Variants in SIPA1L1 observed in about 807,000 individuals in gnomAD.
SIPA1L1 encodes the protein signal induced proliferation associated 1 like 1, also known as signal-induced proliferation-associated 1-like protein 1.
A neutral mutation model predicts 162.7 loss-of-function variants in SIPA1L1; 26 were observed. The ratio of observed to expected loss-of-function variants is 0.16; its 90% CI spans 0.12 to 0.22. The LOEUF (loss-of-function observed/expected upper bound fraction) is 0.22. SIPA1L1 is among the 10% of genes least tolerant of loss of function. SIPA1L1 has a pLI of 1.00. For missense variants in SIPA1L1, 1,874 were observed against 2,241.0 expected, an observed-to-expected ratio of 0.84 and a Z score of 3.31; for synonymous variants, 829 against 837.4, an observed-to-expected ratio of 0.99 and a Z score of 0.17.
At chr14:71,370,238 G>A (rs2038752385) in intron 2 of SIPA1L1, among the ~76,000 whole-genome samples, 1 of 150,618 alleles carries the variant, frequency 6.6e-6, no homozygotes, top group Admixed American at 6.6e-5. Flanking sequence ...CCTGTCTTGT[G>A]CCAGTTTTCA....
chr14:71,425,919 G>A (rs1343712122), intron 2 of SIPA1L1, among the ~76,000 whole-genome samples: 1 of 152,016 alleles, frequency 6.6e-6, no homozygotes, highest in East Asian at 1.9e-4. Flanking sequence ...TTGCTATATT[G>A]TATTTTTTGT....
chr14:71,446,894 G>GGTTTTTTTTTTTTTTTTTTTTTTTTTTT (rs2045394010), intron 2 of SIPA1L1, among the ~76,000 whole-genome samples: 1 of 87,406 alleles, frequency 1.1e-5, no homozygotes, highest in Admixed American at 1.6e-4. Context: ...GATGGGCTCT[G>GGTTTTTTTTTTTTTTTTTTTTTTTTTTT]TTTTTTTTTT....
At chr14:71,399,887 A>AT (rs1347179599) in intron 2 of SIPA1L1, among the ~76,000 whole-genome samples, 2 of 151,858 alleles carry the variant, frequency 1.3e-5, no homozygotes, top group African/African-American at 4.8e-5. Flanking sequence ...CACCTGGCTG[A>AT]TTTTTGTATT....
At chr14:71,366,108 G>A (rs2038270485) in intron 2 of SIPA1L1, among the ~76,000 whole-genome samples, 1 of 152,054 alleles carries the variant, frequency 6.6e-6, no homozygotes, top group African/African-American at 2.4e-5. Context: ...GACCAATTAA[G>A]TCTTAATCTC....
intron 2 of SIPA1L1, among the ~76,000 whole-genome samples, chr14:71,336,903 C>A (rs2035153962): frequency 6.6e-6 from 1 of 151,872 alleles, no homozygotes; most frequent in African/African-American, 2.4e-5. Context: ...ATTTTTTTAG[C>A]TTTTGCTCTT....
rs1007671004 is a variant in SIPA1L1, at chr14:71,347,151, G to A, written c.-465+25970G>A. ...TTTTTTCGTATTTTTAGTAGAGATGGGGTATCACCGCGTTGGCCAGGCTGG... is the reference window on the plus strand; with the variant it reads ...TTTTTTCGTATTTTTAGTAGAGATGAGGTATCACCGCGTTGGCCAGGCTGG... On this transcript the variant is annotated intron_variant, in intron 2 of 23. Transcript: ENST00000381232. Among the ~76,000 whole-genome samples the A allele has an allele frequency of 8.6e-5, 13 of 151,674 alleles. 1 individual carries two copies. The South Asian group carries it at 1.7e-3, about 19-fold the overall frequency.
chr14:71,695,249 TTTGGGTGGCATTCCATCAG>T (rs1248776102), intron 13 of SIPA1L1, among the ~76,000 whole-genome samples: 1 of 152,232 alleles, frequency 6.6e-6, no homozygotes, highest in Non-Finnish European at 1.5e-5. Flanking sequence ...CATAAAAACA[TTTGGGTGGCATTCCATCAG>T]TTGCTCTATG....
chr14:71,704,818 C>T lies in SIPA1L1; in HGVS notation c.3647-404C>T, dbSNP rs545984443. 57 of 1,425,330 alleles carry T rather than the reference C, an allele frequency of 4.0e-5. No homozygotes were observed. In the South Asian group the frequency reaches 5.4e-4, roughly 13 times the overall value. 88.3% of individuals were successfully genotyped at this position (1,425,330 alleles called of 1,614,324 possible). The stretch of plus-strand genomic sequence containing the variant: ...TTCCAAAGTGTCATGGTAAGTAACA[C>T]GTGATTGCATCCATGCCTGTCTAGG... On this transcript the variant is annotated intron_variant, in intron 15 of 23. Transcript: ENST00000381232.
At position 71,387,248 on chromosome 14, in the gene SIPA1L1, CAAA is replaced by C. The variant is rs398025583; in HGVS notation, c.-465+66093_-465+66095del. Among the ~76,000 whole-genome samples, 30 of 53,856 alleles carry C rather than the reference CAAA, an allele frequency of 5.6e-4. No homozygotes were observed. In the East Asian group the frequency reaches 6.1e-3, roughly 11 times the overall value. The allele number at this position is 53,856 out of a possible 152,430, so 35.3% of individuals were successfully genotyped here. ...GGGCAACAAGAGCGAAACTCTGTCT[CAAA>C]AAAAAAAAAAAAAAAAAAAAAAAAA... On this transcript the variant is annotated intron_variant, in intron 2 of 23. Transcript: ENST00000381232.
intron 19 of SIPA1L1, among the ~76,000 whole-genome samples, chr14:71,729,401 A>C (rs917249518): frequency 1.3e-5 from 2 of 152,230 alleles, no homozygotes; most frequent in Non-Finnish European, 2.9e-5. Context: ...AAAACTCATG[A>C]AATTTATCTA....
chr14:71,398,005 A>C (rs1406254863), intron 2 of SIPA1L1, among the ~76,000 whole-genome samples: 9 of 128,268 alleles, frequency 7.0e-5, no homozygotes, highest in African/African-American at 2.7e-4. Flanking sequence ...AACCAAAAAA[A>C]AAAATTTTTT....
At chr14:71,389,069 C>T (rs143808761) in intron 2 of SIPA1L1, among the ~76,000 whole-genome samples, 29 of 152,240 alleles carry the variant, frequency 1.9e-4, no homozygotes, top group South Asian at 1.0e-3. Context: ...CATGAGCCAC[C>T]GTGCCTGACC....
intron 4 of SIPA1L1, among the ~76,000 whole-genome samples, chr14:71,579,144 G>A (rs528507161): frequency 3.7e-4 from 57 of 152,214 alleles, no homozygotes; most frequent in African/African-American, 1.3e-3. Flanking sequence ...GCTGCAGACC[G>A]CACCGTTTAT....
At chr14:71,632,821 A>T (rs996010680) in intron 7 of SIPA1L1, among the ~76,000 whole-genome samples, 4 of 152,192 alleles carry the variant, frequency 2.6e-5, no homozygotes, top group Admixed American at 1.3e-4. Flanking sequence ...AGGGAACTTG[A>T]TGTTCAACCC....
chr14:71,603,052 A>G (rs1342290984), intron 5 of SIPA1L1, among the ~76,000 whole-genome samples: 1 of 152,200 alleles, frequency 6.6e-6, no homozygotes, highest in East Asian at 1.9e-4. Context: ...GAGTGCAGAT[A>G]TGTTTAGAAT....
intron 1 of SIPA1L1, among the ~76,000 whole-genome samples, chr14:71,320,707 C>CA (rs913046627): frequency 6.6e-6 from 1 of 150,576 alleles, no homozygotes; most frequent in Non-Finnish European, 1.5e-5. Context: ...TCCTCATCCC[C>CA]CCCCCGGCAA....
chr14:71,542,711 C>T (rs1416183797), intron 4 of SIPA1L1, among the ~76,000 whole-genome samples: 1 of 137,204 alleles, frequency 7.3e-6, no homozygotes, highest in Non-Finnish European at 1.6e-5. Context: ...CCTCCCTCCT[C>T]CTCCTCCTCC....
chr14:71,695,164 T>C (rs2081533750), intron 13 of SIPA1L1, among the ~76,000 whole-genome samples: 1 of 152,222 alleles, frequency 6.6e-6, no homozygotes, highest in Admixed American at 6.5e-5. Context: ...TCAGAGTATT[T>C]GGAAAAAATA....
chr14:71,687,112 C>G (rs1330555297), intron 13 of SIPA1L1, among the ~76,000 whole-genome samples: 10 of 152,184 alleles, frequency 6.6e-5, no homozygotes, highest in Non-Finnish European at 1.5e-4. Flanking sequence ...TTAATAAAAA[C>G]AGACAAACAA....
Sources: allele counts gnomAD v4.1 joint callset (sites outside exome capture counted in the v4.1 genomes callset), GRCh38; gene constraint gnomAD v4.1.1; transcripts MANE v1.5; gene names NCBI Gene and HGNC (gene_info 2026-07-23, HGNC 2026-07-21).